SEMA6D: variants seen among roughly 807,000 people sequenced by gnomAD.
The protein encoded by SEMA6D is semaphorin-6D.
A neutral mutation model predicts 106.6 loss-of-function variants in SEMA6D; 35 were observed. The observed-to-expected ratio is 0.33, with a 90% CI of 0.25 to 0.44. The LOEUF is 0.44. Among genes scored for constraint, SEMA6D ranks in the 20% least tolerant of loss-of-function variants. The pLI, the probability that SEMA6D is intolerant of heterozygous loss-of-function variation, is 1.00. For missense variants in SEMA6D, 1,185 were observed against 1,345.9 expected (o/e 0.88, Z 1.87); for synonymous variants, 499 against 487.7 (o/e 1.02, Z -0.31).
intron 1 of SEMA6D, among the ~76,000 whole-genome samples, chr15:47,257,456 A>T (rs192034817): frequency 6.6e-6 from 1 of 152,130 alleles, no homozygotes. Flanking sequence ...CCCTCTCAGC[A>T]CTGCTTAAGA....
At chr15:47,469,298 A>AGG (rs1045010085) in intron 2 of SEMA6D, among the ~76,000 whole-genome samples, 2 of 105,704 alleles carry the variant, frequency 1.9e-5, no homozygotes, top group African/African-American at 5.0e-5. Flanking sequence ...AGTTGCTTTA[A>AGG]GGTGTGTGTG....
chr15:47,251,251 TGAA>T (rs529937731), intron 1 of SEMA6D, among the ~76,000 whole-genome samples: 8 of 152,204 alleles, frequency 5.3e-5, no homozygotes, highest in Non-Finnish European at 8.8e-5. Context: ...ATTCCTAACA[TGAA>T]GGTTTTCTTG....
chr15:47,471,695 C>G (rs1366329791), intron 3 of SEMA6D, among the ~76,000 whole-genome samples: 3 of 152,112 alleles, frequency 2.0e-5, no homozygotes, highest in African/African-American at 7.2e-5. Context: ...TTGAGCCAGA[C>G]TAGGGGCTGG....
intron 1 of SEMA6D, among the ~76,000 whole-genome samples, chr15:47,284,970 C>T (rs1309895394): frequency 2.0e-5 from 3 of 152,182 alleles, no homozygotes; most frequent in Non-Finnish European, 2.9e-5. Flanking sequence ...AATGAATTCA[C>T]GTCAGCTCTG....
At chr15:47,592,952 A>G (rs1193355079) in intron 3 of SEMA6D, among the ~76,000 whole-genome samples, 2 of 152,204 alleles carry the variant, frequency 1.3e-5, no homozygotes, top group Admixed American at 1.3e-4. Context: ...AATGTAATAA[A>G]CAAAGCTAGG....
At chr15:47,524,001 A>T (rs909781054) in intron 3 of SEMA6D, among the ~76,000 whole-genome samples, 14 of 152,228 alleles carry the variant, frequency 9.2e-5, no homozygotes, top group African/African-American at 3.4e-4. Context: ...AGAGGACAGC[A>T]GAATACAAAT....
intron 1 of SEMA6D, among the ~76,000 whole-genome samples, chr15:47,721,297 C>T (rs1368118610): frequency 6.6e-6 from 1 of 152,196 alleles, no homozygotes; most frequent in Non-Finnish European, 1.5e-5. Flanking sequence ...AGCCTACCTG[C>T]CTTTAACACT....
chr15:47,367,217 C>T (rs1032044195), intron 1 of SEMA6D, among the ~76,000 whole-genome samples: 1 of 152,172 alleles, frequency 6.6e-6, no homozygotes, highest in African/African-American at 2.4e-5. Context: ...GCTTCTGCTT[C>T]TTCCCTTTCC....
intron 4 of SEMA6D, among the ~76,000 whole-genome samples, chr15:47,625,917 T>C (rs935615869): frequency 3.3e-5 from 5 of 152,140 alleles, no homozygotes; most frequent in African/African-American, 1.2e-4. Context: ...AATCCTAAAG[T>C]AACCATATCT....
At chr15:47,417,758 A>G (rs1282109288) in intron 2 of SEMA6D, among the ~76,000 whole-genome samples, 1 of 151,938 alleles carries the variant, frequency 6.6e-6, no homozygotes, top group Non-Finnish European at 1.5e-5. Flanking sequence ...ATCTCTAAAT[A>G]TTAATTTTCC....
At chr15:47,339,014 G>A (rs2144397703) in intron 1 of SEMA6D, 1 of 152,248 alleles carries the variant, frequency 6.6e-6, no homozygotes, top group Non-Finnish European at 1.5e-5. Context: ...CAATCACATT[G>A]CTACATGGTT....
intron 1 of SEMA6D, among the ~76,000 whole-genome samples, chr15:47,404,088 A>G (rs539387185): frequency 3.3e-5 from 5 of 152,222 alleles, no homozygotes; most frequent in Non-Finnish European, 7.3e-5. Flanking sequence ...ACATGCGTCT[A>G]TCAGTAAGAG....
At chr15:47,705,195 G>A (rs1330187290) in intron 4 of SEMA6D, among the ~76,000 whole-genome samples, 2 of 152,142 alleles carry the variant, frequency 1.3e-5, no homozygotes, top group African/African-American at 4.8e-5. Flanking sequence ...AATGGAGAGA[G>A]GGGGACACTA....
chr15:47,725,166 T>C (rs773693909), intron 1 of SEMA6D, among the ~76,000 whole-genome samples: 2 of 152,212 alleles, frequency 1.3e-5, no homozygotes, highest in Admixed American at 6.5e-5. Flanking sequence ...ATTGAAACCA[T>C]GCTCATATGA....
At chr15:47,464,582 A>G (rs1284744307) in intron 2 of SEMA6D, among the ~76,000 whole-genome samples, 2 of 152,124 alleles carry the variant, frequency 1.3e-5, no homozygotes, top group Non-Finnish European at 2.9e-5. Context: ...AGGAGGTGCC[A>G]GTATGCAGGC....
At chr15:47,483,516 C>A (rs941238953) in intron 3 of SEMA6D, among the ~76,000 whole-genome samples, 3 of 152,130 alleles carry the variant, frequency 2.0e-5, no homozygotes, top group Non-Finnish European at 4.4e-5. Flanking sequence ...CTGGTTTTGC[C>A]TACTCAGGAC....
At chr15:47,503,245 C>T (rs1187693605) in intron 3 of SEMA6D, among the ~76,000 whole-genome samples, 1 of 152,128 alleles carries the variant, frequency 6.6e-6, no homozygotes, top group Non-Finnish European at 1.5e-5. Context: ...AAAAAAATAG[C>T]TTTCTGTATT....
chr15:47,340,740 A>G (rs1320928102), intron 1 of SEMA6D, among the ~76,000 whole-genome samples: 1 of 152,152 alleles, frequency 6.6e-6, no homozygotes, highest in East Asian at 1.9e-4. Context: ...AACTGTCCTA[A>G]GCAAAAGAAA....
At chr15:47,250,274 T>A (rs1447368809) in intron 1 of SEMA6D, among the ~76,000 whole-genome samples, 3 of 151,494 alleles carry the variant, frequency 2.0e-5, no homozygotes, top group Non-Finnish European at 4.4e-5. Flanking sequence ...AGACACGACA[T>A]ACTGTGCCAT....
Sources: allele counts gnomAD v4.1 joint callset (sites outside exome capture counted in the v4.1 genomes callset), GRCh38; gene constraint gnomAD v4.1.1; transcripts MANE v1.5; gene names NCBI Gene and HGNC (gene_info 2026-07-23, HGNC 2026-07-21).